ELAVL4: variants seen among roughly 807,000 people sequenced by gnomAD.
ELAVL4 encodes the protein ELAV-like protein 4.
A neutral mutation model predicts 35.6 loss-of-function variants in ELAVL4; 1 was observed. The ratio of observed to expected loss-of-function variants is 0.03; its 90% confidence interval spans 0.01 to 0.13. The LOEUF is 0.13. Ranked by LOEUF, ELAVL4 falls within the 10% of genes least tolerant of loss-of-function variation. The pLI is 1.00. For missense variants in ELAVL4, 267 were observed against 464.9 expected (o/e 0.57, Z 3.91); for synonymous variants, 156 against 171.0 (o/e 0.91, Z 0.69).
At chr1:50,168,789 C>T (rs1268942882) in intron 2 of ELAVL4, among the ~76,000 whole-genome samples, 9 of 151,896 alleles carry the variant, frequency 5.9e-5, no homozygotes, top group South Asian at 2.1e-4. Flanking sequence ...GAGTTCTTAG[C>T]ATTTTGGGGT....
chr1:50,071,843 A>T (rs1438678889), intron 1 of ELAVL4, among the ~76,000 whole-genome samples: 1 of 152,140 alleles, frequency 6.6e-6, no homozygotes, highest in Non-Finnish European at 1.5e-5. Flanking sequence ...GAGGCTCCCT[A>T]CCACATAAGG....
intron 1 of ELAVL4, among the ~76,000 whole-genome samples, chr1:50,114,625 A>AGG (rs1667639466): frequency 1.3e-5 from 2 of 152,088 alleles, no homozygotes; most frequent in African/African-American, 4.8e-5. Flanking sequence ...AATGAGTGAT[A>AGG]AATTTGAACT....
chr1:50,140,748 A>G (rs182327766), intron 1 of ELAVL4, among the ~76,000 whole-genome samples: 1 of 152,224 alleles, frequency 6.6e-6, no homozygotes, highest in African/African-American at 2.4e-5. Context: ...GTATGTGTCC[A>G]TTTGTGTGTT....
intron 1 of ELAVL4, among the ~76,000 whole-genome samples, chr1:50,078,206 C>T (rs1557690093): frequency 6.6e-6 from 1 of 150,936 alleles, no homozygotes; most frequent in South Asian, 2.1e-4. Context: ...GTGGTGATGA[C>T]GACAGTGATT....
chr1:50,175,650 A>G (rs1171602829), intron 2 of ELAVL4: 1 of 152,234 alleles, frequency 6.6e-6, no homozygotes, highest in African/African-American at 2.4e-5. Flanking sequence ...GTCAAATGCC[A>G]TTGAGCTTTC....
intron 6 of ELAVL4, among the ~76,000 whole-genome samples, chr1:50,199,665 G>A (rs1214224963): frequency 6.6e-6 from 1 of 150,408 alleles, no homozygotes; most frequent in Non-Finnish European, 1.5e-5. Flanking sequence ...CCAAGATAAC[G>A]CCACTGCACT....
chr1:50,161,289 T>C (rs562091831), intron 2 of ELAVL4, among the ~76,000 whole-genome samples: 1 of 152,326 alleles, frequency 6.6e-6, no homozygotes, highest in East Asian at 1.9e-4. Flanking sequence ...TTTAAACGTG[T>C]GACTATTCTT....
chr1:50,052,753 C>T (rs1298566969), intron 1 of ELAVL4, among the ~76,000 whole-genome samples: 2 of 152,226 alleles, frequency 1.3e-5, no homozygotes, highest in Non-Finnish European at 2.9e-5. Context: ...CTGCCTACTA[C>T]ACAGTTTATT....
At chr1:50,126,174 A>G (rs1164288618) in intron 1 of ELAVL4, among the ~76,000 whole-genome samples, 1 of 152,118 alleles carries the variant, frequency 6.6e-6, no homozygotes, top group Non-Finnish European at 1.5e-5. Context: ...ATAACTTTCA[A>G]AAAAGTGAGC....
chr1:50,145,784 G>A (rs529124063), intron 2 of ELAVL4, among the ~76,000 whole-genome samples: 65 of 152,244 alleles, frequency 4.3e-4, no homozygotes, highest in Non-Finnish European at 4.4e-4. Context: ...CTGTCTGTTC[G>A]TTTTGAAGAT....
chr1:50,165,802 ATG>A (rs1316944145), intron 2 of ELAVL4, among the ~76,000 whole-genome samples: 50 of 151,260 alleles, frequency 3.3e-4, no homozygotes, highest in African/African-American at 9.7e-4. Flanking sequence ...ATATGTGTAT[ATG>A]TGTGTGTGTA....
intron 1 of ELAVL4, among the ~76,000 whole-genome samples, chr1:50,097,449 CT>C (rs1665766883): frequency 6.6e-6 from 1 of 152,162 alleles, no homozygotes; most frequent in South Asian, 2.1e-4. Flanking sequence ...CATATTAGAA[CT>C]GGCAGAGACT....
intron 1 of ELAVL4, among the ~76,000 whole-genome samples, chr1:50,079,918 A>T (rs1009515825): frequency 6.6e-6 from 1 of 152,130 alleles, no homozygotes; most frequent in African/African-American, 2.4e-5. Context: ...CTTCCCAAAG[A>T]CACCCTTCTC....
chr1:50,104,697 G>A (rs1557704252), upstream of ELAVL4, among the ~76,000 whole-genome samples: 4 of 152,280 alleles, frequency 2.6e-5, no homozygotes, highest in East Asian at 5.8e-4. Context: ...AGACACATGT[G>A]GAACATAGAA....
At chr1:50,102,250 C>A (rs1666021373), upstream of ELAVL4, among the ~76,000 whole-genome samples, 1 of 151,738 alleles carries the variant, frequency 6.6e-6, no homozygotes, top group Non-Finnish European at 1.5e-5. Context: ...GGCGCCACTG[C>A]ACTCCAGCCT....
intron 1 of ELAVL4, among the ~76,000 whole-genome samples, chr1:50,137,184 C>T (rs918767231): frequency 3.3e-4 from 50 of 152,138 alleles, no homozygotes; most frequent in Admixed American, 1.4e-3. Flanking sequence ...TGTGGACTTT[C>T]CATCTTTATT....
chr1:50,168,722 A>T (rs576639147), intron 2 of ELAVL4, among the ~76,000 whole-genome samples: 1 of 152,216 alleles, frequency 6.6e-6, no homozygotes, highest in South Asian at 2.1e-4. Flanking sequence ...TATTTTGCAT[A>T]ACGCTCTAAA....
chr1:50,058,695 C>T (rs1663805440), intron 1 of ELAVL4, among the ~76,000 whole-genome samples: 1 of 151,778 alleles, frequency 6.6e-6, no homozygotes, highest in African/African-American at 2.4e-5. Flanking sequence ...CTTACTGCAG[C>T]CTCCACCCCC....
At chr1:50,048,067 A>G (rs1049530126) in exon 1 of ELAVL4, 2 of 1,361,220 alleles carry the variant, frequency 1.5e-6, no homozygotes, top group Admixed American at 6.1e-5. Context: ...AGCGAGCTAG[A>G]GAGCGAGAGC....
Sources: allele counts gnomAD v4.1 joint callset (sites outside exome capture counted in the v4.1 genomes callset), GRCh38; gene constraint gnomAD v4.1.1; transcripts MANE v1.5; gene names NCBI Gene and HGNC (gene_info 2026-07-23, HGNC 2026-07-21).